The following KIF21B variants were observed in gnomAD, a reference collection of about 807,000 sequenced individuals.
The protein encoded by KIF21B is kinesin family member 21B.
KIF21B carries 85 observed loss-of-function variants against 192.9 expected under a neutral mutation model. The observed-to-expected ratio is 0.44, with a 90% CI of 0.37 to 0.53. The LOEUF (loss-of-function observed/expected upper bound fraction) is 0.53, where lower values mean the gene tolerates loss of function less well. Ranked by LOEUF, KIF21B falls within the 20% of genes least tolerant of loss-of-function variation. The pLI is 0.00. For missense variants in KIF21B, 1,716 were observed against 2,194.8 expected (o/e 0.78, Z 4.36); for synonymous variants, 832 against 884.6 (o/e 0.94, Z 1.05).
In KIF21B at chr1:201,004,830, C is replaced by A; in HGVS notation, c.836G>T (p.Arg279Leu). The A allele has an allele frequency of 6.2e-7, 1 of 1,614,140 alleles. No homozygotes were observed. Among genetic ancestry groups the A allele is most frequent in the Non-Finnish European group, 8.5e-7 (1 of 1,180,030 alleles). ...FHFVDLAGSE[R>L]LKRTGATGER... Reference sequence around the variant, plus strand: ...GCCAGTAGCCCCTGTCCGCTTCAGCCGCTCTGAGCCGGCCAGGTCCACAAA... The same window carrying A: ...GCCAGTAGCCCCTGTCCGCTTCAGCAGCTCTGAGCCGGCCAGGTCCACAAA... Residue 279 changes from arginine to leucine, a missense_variant, in exon 6 of 35, where the codon CGG (arginine) becomes CTG (leucine). Physicochemically the swap from Arg to Leu is moderately radical, Grantham distance 102. Coordinates refer to ENST00000461742, the MANE Select transcript of KIF21B (RefSeq NM_001252102.2).
intron 32 of KIF21B, among the ~76,000 whole-genome samples, chr1:200,976,147 G>T (rs1203767921): frequency 6.6e-6 from 1 of 152,138 alleles, no homozygotes; most frequent in African/African-American, 2.4e-5. Context: ...CTGGAGTGCC[G>T]TGGTGCAAAC....
At chr1:200,983,150 G>C in intron 27 of KIF21B, 56 bp from the exon 28 acceptor site, 1 of 1,448,148 alleles carries the variant, frequency 6.9e-7, no homozygotes, top group African/African-American at 1.4e-5. Flanking sequence ...ACACACAGAG[G>C]GACGCAGAGG....
At chr1:200,991,624 C>T (rs1656703467) in intron 17 of KIF21B, 33 bp downstream of exon 17, 1 of 1,606,038 alleles carries the variant, frequency 6.2e-7, no homozygotes, top group East Asian at 2.2e-5. Flanking sequence ...TGCAGCAGGG[C>T]CAGGGCCTCG....
Position 200,990,084 on chromosome 1 carries a change from C to T in KIF21B, c.3031-41G>A. 1.2e-6 allele frequency: 2 copies of T among 1,611,298 alleles called. No individual in the cohort carries two copies. Among genetic ancestry groups the T allele is most frequent in the Non-Finnish European group, 1.7e-6 (2 of 1,178,022 alleles). On this transcript the variant is annotated intron_variant, in intron 20 of 34. Coordinates refer to ENST00000461742, the MANE Select transcript of KIF21B (RefSeq NM_001252102.2). The surrounding 1 kb of genome is among the most constrained non-coding windows in gnomAD (Gnocchi z 5.4). Reference sequence around the variant, plus strand: ...AGAGAGCCCCGTCACCTGGGGCTACCCCTGCCACCCATCTCTCCCGCCTCC... The same window carrying T: ...AGAGAGCCCCGTCACCTGGGGCTACTCCTGCCACCCATCTCTCCCGCCTCC...
intron 21 of KIF21B, 42 bp from the exon 22 acceptor site, chr1:200,988,973 G>C (rs201001718): frequency 3.3e-4 from 517 of 1,563,320 alleles, no homozygotes; most frequent in Non-Finnish European, 4.2e-4. Context: ...CCTCCTGGGG[G>C]TTGGGAGTCA....
In KIF21B at chr1:200,998,657, G is replaced by C; in HGVS notation, c.1886-82C>G. On this transcript the variant is annotated intron_variant, in intron 13 of 34. Coordinates refer to ENST00000461742, the MANE Select transcript of KIF21B (RefSeq NM_001252102.2). This position sits in a 1 kb window ranked among gnomAD's most constrained non-coding sequence, Gnocchi z 4.3. ...CAGATGTGCCAGTGCTGGGGAGCTG[G>C]GACCCTCCTTTGGTCAGCCATGACC... The C allele has an allele frequency of 7.6e-7, 1 of 1,321,904 alleles. No homozygotes were observed. The highest frequency in any genetic ancestry group is 1.1e-6 in the Non-Finnish European group (1 of 942,720). The allele number at this position is 1,321,904 out of a possible 1,614,324, so 81.9% of individuals were successfully genotyped here.
Position 200,990,497 on chromosome 1 carries a change from C to T in KIF21B, c.2835+79G>A. 6.4e-7 allele frequency: 1 copy of T among 1,555,902 alleles called. No individual in the cohort carries two copies. ...AGAGGGAAGTGGGGCAGGGAAAGGT[C>T]TGAAGAGCCAGAGAAGTTGGAGGTG... On this transcript the variant is annotated intron_variant, in intron 19 of 34. Coordinates refer to ENST00000461742, the MANE Select transcript of KIF21B (RefSeq NM_001252102.2). This position sits in a 1 kb window ranked among gnomAD's most constrained non-coding sequence, Gnocchi z 5.4.
intron 1 of KIF21B, among the ~76,000 whole-genome samples, chr1:201,010,741 G>C (rs1658186567): frequency 6.6e-6 from 1 of 152,198 alleles, no homozygotes. Context: ...CCTGGTCACA[G>C]AGTCTAGGGC....
At chr1:201,003,249 C>G (rs1020787958) in intron 8 of KIF21B, 3 of 386,992 alleles carry the variant, frequency 7.8e-6, no homozygotes, top group Non-Finnish European at 1.5e-5. Context: ...TTACCTGTTC[C>G]AACACAACAC....
rs754468301 is a variant in KIF21B at position 201,004,514 on chromosome 1, A to G, written c.901-59T>C. 6 of 1,430,180 alleles carry G rather than the reference A, an allele frequency of 4.2e-6. 1 individual carries two copies. In the South Asian group the frequency reaches 6.1e-5, roughly 15 times the overall value. 88.6% of individuals were successfully genotyped at this position (1,430,180 alleles called of 1,614,324 possible). A position where few individuals can be genotyped will look rare whatever the true frequency, so the allele number is the denominator to read the frequency against. On this transcript the variant is annotated intron_variant, in intron 6 of 34. Coordinates refer to ENST00000461742, the MANE Select transcript of KIF21B (RefSeq NM_001252102.2). The stretch of plus-strand genomic sequence containing the variant: ...CTCAGGGAGCGAAGGGTAGGGAGGG[A>G]CAAGAAAATCCCCAACCCATCTGTA...
rs1467750198 is a variant in KIF21B at position 201,005,425 on chromosome 1, C to G, written c.615G>C (p.Lys205Asn). The change falls in exon 5 of 35, where the codon AAG becomes AAC. Residue 205 changes from lysine to asparagine, a missense_variant. Lys to Asn is a moderately conservative substitution (Grantham distance 94). Coordinates refer to ENST00000461742, the MANE Select transcript of KIF21B (RefSeq NM_001252102.2). ...CTGTGGTGCGGGACAGGGCCCCCTG[C>G]TTCAGGCACTGGATCAGCTGGAAAC... ...HSQEELIQCL[K>N]QGALSRTTAS... 3.1e-6 allele frequency: 5 copies of G among 1,609,424 alleles called. No homozygotes were observed. The highest frequency in any genetic ancestry group is 4.2e-6 in the Non-Finnish European group (5 of 1,177,304).
chr1:200,976,649 G>C, intron 32 of KIF21B, 127 bp downstream of exon 32: 1 of 552,096 alleles, frequency 1.8e-6, no homozygotes. Context: ...GCCTTCTTTG[G>C]GGTGATTTCT....
rs762033039 is a variant in KIF21B, at chr1:200,977,339, C to A, written c.4198G>T (p.Ala1400Ser). ...CTGGTGATGGCACGGGTGGATGTGG[C>A]GGCACAGGCATCCCCTGAGATCACC... ...GQVISGDACA[A>S]TSTRAITSAQ... is the part of the protein sequence containing the mutation. The change falls in exon 31 of 35, where the codon GCC becomes TCC. Residue 1400 changes from alanine to serine, a missense_variant. By Grantham distance (99) the Ala-to-Ser change is moderately conservative (BLOSUM62 1). Around this residue, in one of 3 missense-constraint regions of KIF21B, gnomAD observed 580 missense variants for 775.5 expected, o/e 0.75. Transcript: ENST00000461742. 3.7e-6 allele frequency: 6 copies of A among 1,614,208 alleles called. No individual in the cohort carries two copies. The highest frequency in any genetic ancestry group is 5.1e-6 in the Non-Finnish European group (6 of 1,180,020).
chr1:200,988,336 G>T lies in KIF21B; in HGVS notation c.3368C>A (p.Thr1123Asn). ...GTCATGGCTGGTGGAGCCTTTCATG[G>T]TGAATGACTGGGAGAAGCTGAGGAA... is the stretch of plus-strand genomic sequence containing the variant. ...FSEGSFSQSF[T>N]MKGSTSHDDF... The change falls in exon 24 of 35, where the codon ACC becomes AAC. Residue 1123 changes from threonine to asparagine, a missense_variant. By Grantham distance (65) the Thr-to-Asn change is moderately conservative. This residue lies in a region of KIF21B where 580 missense variants were observed against 775.5 expected (regional missense o/e 0.75). Coordinates refer to ENST00000461742, the MANE Select transcript of KIF21B (RefSeq NM_001252102.2). 6.2e-7 allele frequency: 1 copy of T among 1,614,166 alleles called. No individual in the cohort carries two copies. Among genetic ancestry groups the T allele is most frequent in the South Asian group, 1.1e-5 (1 of 91,084 alleles).
Position 201,000,699 on chromosome 1 carries a change from C to G in KIF21B, c.1466+18G>C, listed in dbSNP as rs1025984418. 6.2e-7 allele frequency: 1 copy of G among 1,613,944 alleles called. No individual in the cohort carries two copies. Among genetic ancestry groups the G allele is most frequent in the African/African-American group, 1.3e-5 (1 of 74,936 alleles). On this transcript the variant is annotated intron_variant, in intron 10 of 34. Coordinates refer to ENST00000461742, the MANE Select transcript of KIF21B (RefSeq NM_001252102.2). The surrounding 1 kb of genome is among the most constrained non-coding windows in gnomAD (Gnocchi z 6.0). ...AGGCCCCCAGCCCGCGCACACCTGC[C>G]GGAGCTCACTCACTCACCGTAGCTC...
At position 201,005,036 on chromosome 1, in the gene KIF21B, G is replaced by A. The variant is rs555799875; in HGVS notation, c.733-103C>T. 2.6e-4 allele frequency: 343 copies of A among 1,334,832 alleles called. 1 individual carries two copies. In the Middle Eastern group the frequency reaches 5.1e-3, roughly 20 times the overall value. The allele number at this position is 1,334,832 out of a possible 1,614,324, so 82.7% of individuals were successfully genotyped here. On this transcript the variant is annotated intron_variant, in intron 5 of 34. Coordinates refer to ENST00000461742, the MANE Select transcript of KIF21B (RefSeq NM_001252102.2). ...GGAGAGGCACGGTGGACGGCCAAGC[G>A]CCTTGCCCTTCGCACATGCAGAGCA... is the stretch of plus-strand genomic sequence containing the variant.
At chr1:201,016,151 G>A (rs1571973217) in intron 1 of KIF21B, among the ~76,000 whole-genome samples, 1 of 152,186 alleles carries the variant, frequency 6.6e-6, no homozygotes, top group South Asian at 2.1e-4. Flanking sequence ...TGGTGGAGAT[G>A]AAATTCAAAC....
At chr1:200,994,085 A>C (rs557750143) in intron 15 of KIF21B, among the ~76,000 whole-genome samples, 1 of 152,208 alleles carries the variant, frequency 6.6e-6, no homozygotes, top group East Asian at 1.9e-4. Flanking sequence ...GGGAGGTGCT[A>C]TGTCTTCCTG....
rs1346545026 is a variant in KIF21B, at chr1:201,017,878, A to T, written c.41+5465T>A. Among the ~76,000 whole-genome samples, 2 of 152,198 alleles carry T rather than the reference A, an allele frequency of 1.3e-5. No homozygotes were observed. The highest frequency in any genetic ancestry group is 2.9e-5 in the Non-Finnish European group (2 of 68,034). On this transcript the variant is annotated intron_variant, in intron 1 of 34. Coordinates refer to ENST00000461742, the MANE Select transcript of KIF21B (RefSeq NM_001252102.2). The surrounding 1 kb of genome is among the most constrained non-coding windows in gnomAD (Gnocchi z 4.1). ...CCTTTCCACACCCCAGAGCAGCTGG[A>T]GGTGAAAGAGAAAGTCCTCCAGAAA...
Sources: allele counts gnomAD v4.1 joint callset (sites outside exome capture counted in the v4.1 genomes callset), GRCh38; gene constraint gnomAD v4.1.1; regional missense constraint gnomAD v4.1.1; non-coding constraint Gnocchi (gnomAD v3.1); transcripts MANE v1.5; gene names NCBI Gene and HGNC (gene_info 2026-07-23, HGNC 2026-07-21).